The following LRRC8E variants were observed in gnomAD, a reference collection of about 807,000 sequenced individuals.
LRRC8E encodes leucine rich repeat containing 8 VRAC subunit E.
Under a neutral mutation model 6.1 loss-of-function variants are expected in LRRC8E, and 6 were observed. That is an observed-to-expected ratio of 0.98 (90% CI 0.54 to 1.93). LRRC8E has a LOEUF of 1.93. Ranked by LOEUF, LRRC8E falls within the 30% of genes most tolerant of loss-of-function variation. The pLI is 0.01. For missense variants in LRRC8E, 1,028 were observed against 1,031.4 expected (o/e 1.00, Z 0.04); for synonymous variants, 485 against 472.8 (o/e 1.03, Z -0.33).
Position 7,900,813 on chromosome 19 carries a change from T to C in LRRC8E, c.2291T>C (p.Leu764Pro), listed in dbSNP as rs374144670. Residue 764 changes from leucine (L) to proline (P), a missense_variant, in exon 3 of 3, where the codon CTT becomes CCT. By Grantham distance (98) the Leu-to-Pro change is moderately conservative (BLOSUM62 -3). Coordinates refer to ENST00000306708, the MANE Select transcript of LRRC8E (RefSeq NM_025061.6). This position sits in a 1 kb window ranked among gnomAD's most constrained non-coding sequence, Gnocchi z 5.0. ...GNRLEALPEELGNCGGLKKAG... is the reference protein window; with the variant it reads ...GNRLEALPEEPGNCGGLKKAG... ...CGCTTAGAGGCGCTGCCAGAAGAAC[T>C]TGGCAACTGTGGGGGGCTCAAGAAG... 2.6e-4 allele frequency: 415 copies of C among 1,596,376 alleles called. No individual in the cohort carries two copies. Among genetic ancestry groups the C allele is most frequent in the Non-Finnish European group, 3.4e-4 (402 of 1,170,246 alleles).
At chr19:7,896,113 G>GT (rs1346264602) in intron 2 of LRRC8E, among the ~76,000 whole-genome samples, 2 of 151,760 alleles carry the variant, frequency 1.3e-5, no homozygotes, top group East Asian at 1.9e-4. Context: ...AATTTTGGTA[G>GT]TTTTTTAGTA....
At position 7,895,609 on chromosome 19, in the gene LRRC8E, C is replaced by T; in HGVS notation, c.6C>T (p.Ile2=). The change falls in exon 2 of 3, where the codon ATC becomes ATT. Residue 2 remains isoleucine, a synonymous_variant. Coordinates refer to ENST00000306708, the MANE Select transcript of LRRC8E (RefSeq NM_025061.6). The surrounding 1 kb of genome is among the most constrained non-coding windows in gnomAD (Gnocchi z 4.7). The stretch of plus-strand genomic sequence containing the variant: ...CGTCCCGTCCCACAGGCAGCATGAT[C>T]CCAGTGGCCGAGTTCAAGCAGTTCA... The part of the protein sequence containing the change: M[I]PVAEFKQFTE... 6.2e-7 allele frequency: 1 copy of T among 1,612,880 alleles called. No homozygotes were observed. The highest frequency in any genetic ancestry group is 8.5e-7 in the Non-Finnish European group (1 of 1,178,948).
rs117637318 is a variant in LRRC8E, at chr19:7,895,910, G to A, written c.138+169G>A. 0.011 allele frequency among the ~76,000 whole-genome samples: 1,749 copies of A among 152,218 alleles called. 12 individuals carry two copies. Among genetic ancestry groups the A allele is most frequent in the Non-Finnish European group, 0.016 (1,069 of 68,006 alleles). Reference sequence around the variant, plus strand: ...CCTTACCTCCATAGCCAGGAGCACCGGAGTCCCCACATTGCTATGCCATTC... The same window carrying A: ...CCTTACCTCCATAGCCAGGAGCACCAGAGTCCCCACATTGCTATGCCATTC... On this transcript the variant is annotated intron_variant, in intron 2 of 2. Transcript: ENST00000306708. The surrounding 1 kb of genome is among the most constrained non-coding windows in gnomAD (Gnocchi z 4.7).
rs1405960775 is a variant in LRRC8E at position 7,899,592 on chromosome 19, C to G, written c.1070C>G (p.Pro357Arg). Residue 357 changes from proline to arginine, a missense_variant, in exon 3 of 3, where the codon CCT becomes CGT. Coordinates refer to ENST00000306708, the MANE Select transcript of LRRC8E (RefSeq NM_025061.6). ...VREETGMGDI[P>R]DVKNDFAFML... ...GAGGAGACTGGCATGGGGGACATTC[C>G]TGACGTCAAGAATGACTTCGCCTTC... is the stretch of plus-strand genomic sequence containing the variant. The G allele has an allele frequency of 6.2e-7, 1 of 1,613,846 alleles. No homozygotes were observed. Among genetic ancestry groups the G allele is most frequent in the East Asian group, 2.2e-5 (1 of 44,890 alleles).
Position 7,901,149 on chromosome 19 carries a change from G to C in LRRC8E, c.*236G>C, listed in dbSNP as rs1981993625. On this transcript the variant is annotated 3_prime_UTR_variant, in exon 3 of 3. Coordinates refer to ENST00000306708, the MANE Select transcript of LRRC8E (RefSeq NM_025061.6). ...GTATGGAGGGATTAACTCAGTCATGGCATTCTCCGACCAAAACCACACCTG... is the reference window on the plus strand; with the variant it reads ...GTATGGAGGGATTAACTCAGTCATGCCATTCTCCGACCAAAACCACACCTG... 9.7e-6 allele frequency: 4 copies of C among 410,998 alleles called. No homozygotes were observed. The highest frequency in any genetic ancestry group is 1.7e-5 in the Non-Finnish European group (4 of 230,888). The allele number at this position is 410,998 out of a possible 1,614,324, so 25.5% of individuals were successfully genotyped here.
At chr19:7,894,643 C>T (rs1981482432) in intron 1 of LRRC8E, among the ~76,000 whole-genome samples, 1 of 152,232 alleles carries the variant, frequency 6.6e-6, no homozygotes, top group African/African-American at 2.4e-5. Context: ...CCACCTCCAG[C>T]CTCTGGGGAA....
rs1472256469 is a variant in LRRC8E, at chr19:7,900,061, C to T, written c.1539C>T (p.His513=). The part of the protein sequence containing the change: ...VFGLRGLEEL[H]LEGLFPQELA... Reference sequence around the variant, plus strand: ...GGCTGCGGGGCTTGGAGGAGCTGCACCTGGAGGGGCTTTTCCCCCAGGAGC... The same window carrying T: ...GGCTGCGGGGCTTGGAGGAGCTGCATCTGGAGGGGCTTTTCCCCCAGGAGC... Residue 513 remains histidine (H), a synonymous_variant, in exon 3 of 3, where the codon CAC becomes CAT. Transcript: ENST00000306708. The surrounding 1 kb of genome is among the most constrained non-coding windows in gnomAD (Gnocchi z 5.0). 2 of 1,611,418 alleles carry T rather than the reference C, an allele frequency of 1.2e-6. No individual in the cohort carries two copies. The highest frequency in any genetic ancestry group is 1.3e-5 in the African/African-American group (1 of 74,912).
Position 7,901,019 on chromosome 19 carries a change from T to TG in LRRC8E, c.*114dup, listed in dbSNP as rs5826988. On this transcript the variant is annotated 3_prime_UTR_variant, in exon 3 of 3. Transcript: ENST00000306708. ...AGCCAAGTGGGTCCAGGCCAGGAGA[T>TG]GGGGGGGGCGGGGGCAGCTGTGTCA... 0.14 allele frequency: 49,925 copies of TG among 350,080 alleles called. 5,735 individuals carry two copies. The highest frequency in any genetic ancestry group is 0.19 in the Admixed American group (4,278 of 23,104). The allele number at this position is 350,080 out of a possible 1,614,324, so 21.7% of individuals were successfully genotyped here.
chr19:7,898,229 A>G (rs370876178), intron 2 of LRRC8E, among the ~76,000 whole-genome samples: 4 of 151,696 alleles, frequency 2.6e-5, no homozygotes, highest in African/African-American at 9.7e-5. Flanking sequence ...AAAAAAAAAA[A>G]AACAGTGCTT....
chr19:7,895,447 A>T lies in LRRC8E; in HGVS notation c.-5-152A>T. 1.1e-6 allele frequency: 1 copy of T among 885,576 alleles called. No homozygotes were observed. Among genetic ancestry groups the T allele is most frequent in the Non-Finnish European group, 1.7e-6 (1 of 572,900 alleles). 54.9% of individuals were successfully genotyped at this position (885,576 alleles called of 1,614,324 possible). On this transcript the variant is annotated intron_variant, in intron 1 of 2. Coordinates refer to ENST00000306708, the MANE Select transcript of LRRC8E (RefSeq NM_025061.6). The surrounding 1 kb of genome is among the most constrained non-coding windows in gnomAD (Gnocchi z 4.7). ...GGAGGGTGACTAAGGCCAGGCTAAG[A>T]GGGAAGTGGGGGCACACACTTTGGT...
In LRRC8E at chr19:7,899,621, C is replaced by G; in HGVS notation, c.1099C>G (p.Leu367Val). 1 of 1,613,808 alleles carries G rather than the reference C, an allele frequency of 6.2e-7. No individual in the cohort carries two copies. Among genetic ancestry groups the G allele is most frequent in the Middle Eastern group, 1.6e-4 (1 of 6,062 alleles). ...CGTCAAGAATGACTTCGCCTTCATGCTGCACCTCATCGATCAGTACGACTC... is the reference window on the plus strand; with the variant it reads ...CGTCAAGAATGACTTCGCCTTCATGGTGCACCTCATCGATCAGTACGACTC... ...PDVKNDFAFM[L>V]HLIDQYDSLY... Residue 367 changes from leucine (L) to valine (V), a missense_variant, in exon 3 of 3, where the codon CTG (leucine) becomes GTG (valine). Transcript: ENST00000306708.
intron 1 of LRRC8E, among the ~76,000 whole-genome samples, chr19:7,891,016 G>C (rs1045238996): frequency 2.6e-5 from 4 of 152,112 alleles, no homozygotes; most frequent in African/African-American, 9.7e-5. Context: ...ATTTTAATTA[G>C]AGGCTGTCTC....
intron 2 of LRRC8E, among the ~76,000 whole-genome samples, chr19:7,896,894 C>T (rs1055630027): frequency 1.3e-5 from 2 of 152,128 alleles, no homozygotes; most frequent in Non-Finnish European, 2.9e-5. Flanking sequence ...TGTGTCCAGC[C>T]CCATATTTTC....
At position 7,900,073 on chromosome 19, in the gene LRRC8E, T is replaced by C. The variant is rs1306573061; in HGVS notation, c.1551T>C (p.Leu517=). Residue 517 remains leucine (L), a synonymous_variant, in exon 3 of 3, where the codon CTT becomes CTC. Coordinates refer to ENST00000306708, the MANE Select transcript of LRRC8E (RefSeq NM_025061.6). This position sits in a 1 kb window ranked among gnomAD's most constrained non-coding sequence, Gnocchi z 5.0. ...TGGAGGAGCTGCACCTGGAGGGGCT[T>C]TTCCCCCAGGAGCTAGCTCGGGCAG... ...RGLEELHLEG[L]FPQELARAAT... is the part of the protein sequence containing the mutation. The C allele has an allele frequency of 6.2e-7, 1 of 1,612,042 alleles. No homozygotes were observed. The highest frequency in any genetic ancestry group is 2.2e-5 in the East Asian group (1 of 44,860).
At chr19:7,890,776 G>A (rs1191882325) in intron 1 of LRRC8E, among the ~76,000 whole-genome samples, 2 of 151,668 alleles carry the variant, frequency 1.3e-5, no homozygotes, top group Non-Finnish European at 2.9e-5. Context: ...GCGACAGAGT[G>A]AGACTCTGTC....
chr19:7,896,847 G>A (rs1019855060), intron 2 of LRRC8E, among the ~76,000 whole-genome samples: 1 of 152,108 alleles, frequency 6.6e-6, no homozygotes, highest in South Asian at 2.1e-4. Flanking sequence ...CTCCCACCTC[G>A]GCCTCCCAAA....
intron 1 of LRRC8E, among the ~76,000 whole-genome samples, chr19:7,894,423 C>T (rs1457448299): frequency 6.6e-6 from 1 of 152,172 alleles, no homozygotes; most frequent in African/African-American, 2.4e-5. Context: ...CTCTGGGTTT[C>T]ACCATGTTGG....
Position 7,898,721 on chromosome 19 carries a change from G to C in LRRC8E, c.199G>C (p.Ala67Pro). 1 of 1,613,802 alleles carries C rather than the reference G, an allele frequency of 6.2e-7. No individual in the cohort carries two copies. The highest frequency in any genetic ancestry group is 2.2e-5 in the East Asian group (1 of 44,882). ...NHELQENLSE[A>P]PCQQLLPRGI... ...TGAGCTCCAGGAGAACTTATCAGAG[G>C]CCCCGTGCCAGCAATTGCTGCCTCG... The change falls in exon 3 of 3, where the codon GCC becomes CCC. Residue 67 changes from alanine (A) to proline (P), a missense_variant. Coordinates refer to ENST00000306708, the MANE Select transcript of LRRC8E (RefSeq NM_025061.6).
At chr19:7,898,137 A>G (rs1981696791) in intron 2 of LRRC8E, among the ~76,000 whole-genome samples, 1 of 146,454 alleles carries the variant, frequency 6.8e-6, no homozygotes, top group African/African-American at 2.5e-5. Flanking sequence ...TTGAACCAGG[A>G]GGGGAAGGTT....
Sources: allele counts gnomAD v4.1 joint callset (sites outside exome capture counted in the v4.1 genomes callset), GRCh38; gene constraint gnomAD v4.1.1; non-coding constraint Gnocchi (gnomAD v3.1); transcripts MANE v1.5; gene names NCBI Gene and HGNC (gene_info 2026-07-23, HGNC 2026-07-21).